The following EFHC2 variants were observed in gnomAD, a reference collection of about 807,000 sequenced individuals.
EFHC2 encodes the protein EF-hand domain containing 2.
EFHC2 carries 18 observed loss-of-function variants against 52.7 expected under a neutral mutation model. The ratio of observed to expected loss-of-function variants is 0.34; its 90% confidence interval spans 0.24 to 0.51. The LOEUF (loss-of-function observed/expected upper bound fraction) is 0.51, where lower values mean the gene tolerates loss of function less well. Among genes scored for constraint, EFHC2 ranks in the 20% least tolerant of loss-of-function variants. The probability of loss-of-function intolerance (pLI) is 0.97; values close to 1 mark genes in which losing one functional copy is unlikely to be tolerated. For synonymous variants in EFHC2, 203 were observed against 204.1 expected, an observed-to-expected ratio of 0.99 and a Z score of 0.04; for missense variants, 513 against 562.5, an observed-to-expected ratio of 0.91 and a Z score of 0.89.
chrX:44,231,519 C>T (rs993277143), intron 10 of EFHC2, among the ~76,000 whole-genome samples: 6 of 109,348 alleles, frequency 5.5e-5, no homozygotes, highest in Non-Finnish European at 1.1e-4. Flanking sequence ...TGAAGGTCCC[C>T]CCTGCCCACT....
intron 11 of EFHC2, among the ~76,000 whole-genome samples, chrX:44,217,335 C>T (rs2037159424): frequency 9.0e-6 from 1 of 111,393 alleles, no homozygotes; most frequent in Admixed American, 9.5e-5. Context: ...AAACTAAAAA[C>T]AGAGCTACCA....
At chrX:44,163,545 T>C (rs1284687474) in intron 14 of EFHC2, among the ~76,000 whole-genome samples, 2 of 112,301 alleles carry the variant, frequency 1.8e-5, no homozygotes, top group Admixed American at 1.9e-4. Flanking sequence ...GATACCCGGA[T>C]ACCCTAGGGA....
chrX:44,337,417 GA>G (rs2038123930), intron 1 of EFHC2, among the ~76,000 whole-genome samples: 1 of 111,196 alleles, frequency 9.0e-6, no homozygotes, highest in South Asian at 3.7e-4. Context: ...AGGTAAAAAG[GA>G]AAAATAAATC....
chrX:44,287,026 T>TAAAAA (rs57970615), intron 2 of EFHC2, among the ~76,000 whole-genome samples: 2 of 15,197 alleles, frequency 1.3e-4, no homozygotes, highest in African/African-American at 2.5e-4. Flanking sequence ...CTCCCATCTC[T>TAAAAA]AAAAAAAAAA....
intron 3 of EFHC2, among the ~76,000 whole-genome samples, chrX:44,271,270 C>T (rs1375447915): frequency 2.7e-5 from 3 of 111,176 alleles, no homozygotes; most frequent in African/African-American, 6.5e-5. Flanking sequence ...AGGGAGACCA[C>T]GTTAGGCAGC....
intron 5 of EFHC2, among the ~76,000 whole-genome samples, chrX:44,249,790 G>A (rs1036905291): frequency 2.7e-5 from 3 of 112,360 alleles, no homozygotes; most frequent in Middle Eastern, 4.6e-3. Context: ...GCACATGTAG[G>A]TGCACGTGTA....
At chrX:44,323,993 C>T (rs956201312) in intron 1 of EFHC2, among the ~76,000 whole-genome samples, 10 of 111,062 alleles carry the variant, frequency 9.0e-5, no homozygotes, top group African/African-American at 3.3e-4. Context: ...CCAAAACAAA[C>T]CCCTGCTCCT....
chrX:44,284,428 G>A (rs978222736), intron 2 of EFHC2: 3 of 111,839 alleles, frequency 2.7e-5, no homozygotes, highest in African/African-American at 9.8e-5. Context: ...AGAGCAGGAA[G>A]GGTAGACCTC....
rs61512189 is a variant in EFHC2, at chrX:44,204,234, C to CA, written c.1751+25414dup. ...AAGCCCTCTGAAATGGTAGCAAACC[C>CA]AAAAAAAAAAAAAAAAAAAGCAGCA... On this transcript the variant is annotated intron_variant, in intron 11 of 14. Transcript: ENST00000420999. 0.012 allele frequency among the ~76,000 whole-genome samples: 668 copies of CA among 55,341 alleles called. 28 individuals are homozygous for CA. In the East Asian group the frequency reaches 0.15, roughly 12 times the overall value. The allele number at this position is 55,341 out of a possible 115,157, so 48.1% of individuals were successfully genotyped here.
chrX:44,315,983 C>A (rs1305592592), intron 1 of EFHC2, among the ~76,000 whole-genome samples: 1 of 111,557 alleles, frequency 9.0e-6, no homozygotes, highest in Non-Finnish European at 1.9e-5. Context: ...ACCGGCCAGG[C>A]CCTATTCTAG....
intron 14 of EFHC2, among the ~76,000 whole-genome samples, chrX:44,157,041 C>T (rs945839881): frequency 1.2e-4 from 14 of 112,431 alleles, no homozygotes; most frequent in African/African-American, 4.2e-4. Flanking sequence ...CCATTGGCTA[C>T]AGGCCATAGC....
chrX:44,299,663 C>G (rs945789784), intron 2 of EFHC2, among the ~76,000 whole-genome samples: 2 of 111,858 alleles, frequency 1.8e-5, no homozygotes, highest in Non-Finnish European at 3.8e-5. Context: ...GGGCACATGT[C>G]GTCAGGACCT....
intron 14 of EFHC2, among the ~76,000 whole-genome samples, chrX:44,160,664 G>A (rs764944059): frequency 7.1e-5 from 8 of 112,134 alleles, no homozygotes; most frequent in Non-Finnish European, 1.3e-4. Flanking sequence ...GCTCATGCCC[G>A]TACTCCCAGC....
chrX:44,168,952 A>G (rs1249293422), intron 13 of EFHC2, among the ~76,000 whole-genome samples: 4 of 110,335 alleles, frequency 3.6e-5, no homozygotes, highest in Non-Finnish European at 7.6e-5. Context: ...AAAGCATCCA[A>G]CATTAAAGAC....
chrX:44,149,347 AAG>A (rs777802703), intron 14 of EFHC2, among the ~76,000 whole-genome samples: 8 of 111,746 alleles, frequency 7.2e-5, no homozygotes, highest in Non-Finnish European at 1.5e-4. Flanking sequence ...CTTGCGGACT[AAG>A]AGCCAAGCTT....
At chrX:44,340,689 T>C (rs1200658245) in intron 1 of EFHC2, among the ~76,000 whole-genome samples, 1 of 110,763 alleles carries the variant, frequency 9.0e-6, no homozygotes, top group African/African-American at 3.3e-5. Context: ...TAAATGGTCA[T>C]ACAAATGACC....
intron 8 of EFHC2, among the ~76,000 whole-genome samples, chrX:44,240,012 C>T (rs2037348302): frequency 8.9e-6 from 1 of 112,018 alleles, no homozygotes; most frequent in South Asian, 3.7e-4. Flanking sequence ...GCATTAACCT[C>T]ATAATAATAG....
chrX:44,170,169 G>A (rs2036733403), intron 13 of EFHC2, among the ~76,000 whole-genome samples: 1 of 111,532 alleles, frequency 9.0e-6, no homozygotes, highest in Non-Finnish European at 1.9e-5. Context: ...GATTTTCCAG[G>A]TAGTAAACAT....
At chrX:44,333,004 T>A (rs1418165559) in intron 1 of EFHC2, among the ~76,000 whole-genome samples, 1 of 111,475 alleles carries the variant, frequency 9.0e-6, no homozygotes, top group East Asian at 2.8e-4. Flanking sequence ...CAGAGAAGAT[T>A]CCCCCAAGCT....
Sources: gnomAD v4.1 joint callset for allele counts (sites outside exome capture counted in the v4.1 genomes callset) on GRCh38, gnomAD v4.1.1 for gene constraint, MANE v1.5 for transcripts, NCBI Gene and HGNC (gene_info 2026-07-23, HGNC 2026-07-21) for gene names.